Variants in TC2N observed in about 807,000 individuals in gnomAD.
The protein encoded by TC2N is tandem C2 domains, nuclear, also known as tandem C2 domains nuclear protein.
In TC2N, 51 loss-of-function variants were observed where a neutral mutation model predicts 61.9. That is an observed-to-expected ratio of 0.82 (90% CI 0.66 to 1.04). The LOEUF (loss-of-function observed/expected upper bound fraction) is 1.04. Ranked by LOEUF, TC2N falls within the 50% of genes least tolerant of loss-of-function variation. TC2N has a pLI of 0.00. For missense variants in TC2N, 556 were observed against 566.7 expected, an observed-to-expected ratio of 0.98 and a Z score of 0.19; for synonymous variants, 204 against 192.6, an observed-to-expected ratio of 1.06 and a Z score of -0.49.
chr14:91,847,736 T>C (rs1307848190), intron 1 of TC2N, among the ~76,000 whole-genome samples: 3 of 152,322 alleles, frequency 2.0e-5, no homozygotes, highest in African/African-American at 7.2e-5. Context: ...TGCAGATTCA[T>C]AAACTAAATA....
intron 1 of TC2N, among the ~76,000 whole-genome samples, chr14:91,825,909 A>G (rs1001862245): frequency 2.0e-5 from 3 of 152,238 alleles, no homozygotes. Flanking sequence ...GTATACAATC[A>G]ATGATATTCA....
At chr14:91,832,524 C>T (rs1288589497) in intron 1 of TC2N, among the ~76,000 whole-genome samples, 2 of 151,992 alleles carry the variant, frequency 1.3e-5, no homozygotes. Context: ...AATTAAACCC[C>T]CAATGGGATA....
At chr14:91,789,626 A>C (rs1341623230) in intron 9 of TC2N, among the ~76,000 whole-genome samples, 3 of 148,662 alleles carry the variant, frequency 2.0e-5, no homozygotes, top group East Asian at 2.1e-4. Flanking sequence ...CAAAAAACAA[A>C]AAAAAAAAAC....
chr14:91,803,589 A>G (rs1243997155), intron 3 of TC2N, among the ~76,000 whole-genome samples: 1 of 151,940 alleles, frequency 6.6e-6, no homozygotes, highest in Non-Finnish European at 1.5e-5. Flanking sequence ...AGTAGCTGGG[A>G]TTACAGGCAC....
Position 91,812,449 on chromosome 14 carries a change from A to G in TC2N, c.164T>C (p.Leu55Pro). The change falls in exon 3 of 12, where the codon CTT becomes CCT. Residue 55 changes from leucine (L) to proline (P), a missense_variant. Transcript: ENST00000435962. ...PLTSVSVKPQ[L>P]GCTEDYLLSK... ...AAGCAAATAATCCTCAGTACAGCCA[A>G]GCTGAGGCTTTACAGAAACAGAAGT... 6.2e-7 allele frequency: 1 copy of G among 1,611,342 alleles called. No homozygotes were observed. Among genetic ancestry groups the G allele is most frequent in the South Asian group, 1.1e-5 (1 of 90,934 alleles).
intron 1 of TC2N, among the ~76,000 whole-genome samples, chr14:91,839,969 G>T (rs1255391704): frequency 3.3e-5 from 5 of 152,218 alleles, no homozygotes; most frequent in African/African-American, 9.7e-5. Flanking sequence ...CATGTGGCCA[G>T]TTCTGACCAA....
intron 1 of TC2N, among the ~76,000 whole-genome samples, chr14:91,842,590 T>G (rs778066036): frequency 5.9e-5 from 9 of 152,208 alleles, no homozygotes; most frequent in Non-Finnish European, 1.2e-4. Context: ...ATAGGATTGT[T>G]GCAAGGCCCA....
intron 8 of TC2N, among the ~76,000 whole-genome samples, chr14:91,794,913 A>C (rs1047030133): frequency 6.6e-6 from 1 of 152,188 alleles, no homozygotes; most frequent in Non-Finnish European, 1.5e-5. Context: ...AAAACTTTTT[A>C]GAAAGGATTC....
chr14:91,828,538 C>T (rs1887602604), intron 1 of TC2N, among the ~76,000 whole-genome samples: 1 of 151,832 alleles, frequency 6.6e-6, no homozygotes. Flanking sequence ...TCTATAATTT[C>T]CTCATATTAG....
At chr14:91,783,837 C>T (rs1885238394) in intron 11 of TC2N, among the ~76,000 whole-genome samples, 1 of 152,068 alleles carries the variant, frequency 6.6e-6, no homozygotes, top group South Asian at 2.1e-4. Context: ...CATCTTACCT[C>T]TAGCACTAAC....
Position 91,783,217 on chromosome 14 carries a change from A to G in TC2N, c.1363-7T>C. 1 of 1,505,458 alleles carries G rather than the reference A, an allele frequency of 6.6e-7. No individual in the cohort carries two copies. The highest frequency in any genetic ancestry group is 2.3e-5 in the East Asian group (1 of 43,974). 93.3% of individuals were successfully genotyped at this position (1,505,458 alleles called of 1,614,324 possible). On this transcript the variant is annotated splice_polypyrimidine_tract_variant and splice_region_variant and intron_variant, in intron 11 of 11. Coordinates refer to ENST00000435962, the MANE Select transcript of TC2N (RefSeq NM_001128596.3). ...TGTCTTCACTTATCCAAATCTGTAA[A>G]GGAAAGTATGTACAATCATTTAACT...
intron 3 of TC2N, among the ~76,000 whole-genome samples, chr14:91,808,567 T>C (rs1886625514): frequency 6.6e-6 from 1 of 152,228 alleles, no homozygotes; most frequent in Non-Finnish European, 1.5e-5. Flanking sequence ...TTTAATTAGG[T>C]ACCACCTTAC....
At chr14:91,834,201 T>C (rs1417753368) in intron 1 of TC2N, among the ~76,000 whole-genome samples, 4 of 152,208 alleles carry the variant, frequency 2.6e-5, no homozygotes, top group Non-Finnish European at 4.4e-5. Flanking sequence ...ACACAGTTTA[T>C]ATGTGTGACT....
rs768467459 is a variant in TC2N at position 91,812,321 on chromosome 14, C to G, written c.292G>C (p.Glu98Gln). ...CTATTTTATTGTTTACCTTCAAGTT[C>G]TTCCAGATGTGAAGGAGTTTCTTGT... ...RTQETPSHLE[E>Q]LEGSARASFG... Residue 98 changes from glutamate (E) to glutamine (Q), a missense_variant, in exon 3 of 12, where the codon GAA (glutamate) becomes CAA (glutamine). By Grantham distance (29) the Glu-to-Gln change is conservative. Transcript: ENST00000435962. The G allele has an allele frequency of 1.3e-6, 2 of 1,583,324 alleles. No individual in the cohort carries two copies. Among genetic ancestry groups the G allele is most frequent in the African/African-American group, 2.7e-5 (2 of 74,496 alleles).
intron 9 of TC2N, among the ~76,000 whole-genome samples, chr14:91,790,217 C>A (rs1460502624): frequency 1.3e-5 from 2 of 152,078 alleles, no homozygotes; most frequent in South Asian, 2.1e-4. Flanking sequence ...TATTCAATAC[C>A]GAAATTTGAG....
In TC2N at chr14:91,828,362, T is replaced by G. The variant is rs374445187; in HGVS notation, c.-56-14537A>C. On this transcript the variant is annotated intron_variant, in intron 1 of 11. Transcript: ENST00000435962. ...TGAAAACAAAAATCAAGATATAATT[T>G]TATCTGTAAATATTTCAGTATGCAT... Among the ~76,000 whole-genome samples, 3 of 152,066 alleles carry G rather than the reference T, an allele frequency of 2.0e-5. No individual in the cohort carries two copies. The South Asian group carries it at 6.2e-4, about 31-fold the overall frequency.
intron 1 of TC2N, among the ~76,000 whole-genome samples, chr14:91,821,917 G>C (rs10148468): frequency 0.024 from 3,625 of 152,228 alleles, 147 homozygotes; most frequent in African/African-American, 0.084. Context: ...AACACAGTTA[G>C]TGATTAGGAA....
At chr14:91,796,519 A>G (rs1488242889) in intron 8 of TC2N, among the ~76,000 whole-genome samples, 1 of 152,116 alleles carries the variant, frequency 6.6e-6, no homozygotes, top group East Asian at 1.9e-4. Flanking sequence ...GGGTCACTGT[A>G]GATGTGATCA....
At chr14:91,836,959 A>G (rs1888049279) in intron 1 of TC2N, among the ~76,000 whole-genome samples, 1 of 152,198 alleles carries the variant, frequency 6.6e-6, no homozygotes, top group Non-Finnish European at 1.5e-5. Context: ...GAGTTTTTAT[A>G]AAAAGTCTAT....
Sources: gnomAD v4.1 joint callset for allele counts (sites outside exome capture counted in the v4.1 genomes callset) on GRCh38, gnomAD v4.1.1 for gene constraint, MANE v1.5 for transcripts, NCBI Gene and HGNC (gene_info 2026-07-23, HGNC 2026-07-21) for gene names.